PCDHGB3: variants seen among roughly 807,000 people sequenced by gnomAD.
The protein encoded by PCDHGB3 is protocadherin gamma-B3.
In PCDHGB3, 40 loss-of-function variants were observed where a neutral mutation model predicts 59.2. The observed-to-expected ratio is 0.68, with a 90% CI of 0.52 to 0.88. The LOEUF is 0.88. Ranked by LOEUF, PCDHGB3 falls within the 40% of genes least tolerant of loss-of-function variation. The pLI is 0.00. For synonymous variants in PCDHGB3, 581 were observed against 503.6 expected (o/e 1.15, Z -2.06); for missense variants, 1,309 against 1,187.9 (o/e 1.10, Z -1.50).
chr5:141,420,188 A>G (rs775537913), intron 1 of PCDHGB3: 1 of 1,613,848 alleles, frequency 6.2e-7, no homozygotes, highest in South Asian at 1.1e-5. Context: ...TTGTCCAGCC[A>G]CACAAGATAA....
At chr5:141,394,692 C>T (rs1356120664) in intron 1 of PCDHGB3, 1 of 1,613,028 alleles carries the variant, frequency 6.2e-7, no homozygotes, top group Non-Finnish European at 8.5e-7. Context: ...GGGCGAGGTG[C>T]GCACGGCGCG....
chr5:141,371,882 G>A lies in PCDHGB3; in HGVS notation c.1488G>A (p.Leu496=). 1.2e-6 allele frequency: 2 copies of A among 1,613,432 alleles called. No homozygotes were observed. Among genetic ancestry groups the A allele is most frequent in the South Asian group, 1.1e-5 (1 of 91,086 alleles). Residue 496 remains leucine, a synonymous_variant, in exon 1 of 4, where the codon CTG becomes CTA. Transcript: ENST00000576222. ...CCTACTACATCGTGGCCAGTGACCT[G>A]GAGCCGCGGGAGCTGTCGTCCTACG... ...LVSYYIVASD[L]EPRELSSYVS... is the part of the protein sequence containing the mutation.
At position 141,461,820 on chromosome 5, in the gene PCDHGB3, AT is replaced by A. The variant is rs1458631685; in HGVS notation, c.2416-32978del. Among the ~76,000 whole-genome samples the A allele has an allele frequency of 8.1e-5, 12 of 147,918 alleles. 1 individual carries two copies. In the South Asian group the frequency reaches 1.3e-3, roughly 16 times the overall value. On this transcript the variant is annotated intron_variant, in intron 1 of 3. Transcript: ENST00000576222. ...AGGTGCCCACCACCACACCCAGCTAATTTTTTTTTCTTTTTTTTTTGAGACA... is the reference window on the plus strand; with the variant it reads ...AGGTGCCCACCACCACACCCAGCTAATTTTTTTTCTTTTTTTTTTGAGACA...
rs2099746867 is a variant in PCDHGB3, at chr5:141,493,199, C to T, written c.2416-1608C>T. Among the ~76,000 whole-genome samples the T allele has an allele frequency of 6.6e-6, 1 of 152,168 alleles. No individual in the cohort carries two copies. Among genetic ancestry groups the T allele is most frequent in the Non-Finnish European group, 1.5e-5 (1 of 68,020 alleles). ...CTTACTATATAACTCCTTTGAGAAC[C>T]TCATCTCATTTGCTCTTCCCACCAT... On this transcript the variant is annotated intron_variant, in intron 1 of 3. Coordinates refer to ENST00000576222, the MANE Select transcript of PCDHGB3 (RefSeq NM_018924.5). This position sits in a 1 kb window ranked among gnomAD's most constrained non-coding sequence, Gnocchi z 4.3.
chr5:141,403,547 G>T (rs940508173), intron 1 of PCDHGB3: 8 of 1,613,888 alleles, frequency 5.0e-6, no homozygotes, highest in African/African-American at 1.3e-5. Flanking sequence ...GCTGGAGCGC[G>T]CCCTGGACAG....
chr5:141,498,078 G>A (rs1165770641), intron 2 of PCDHGB3, among the ~76,000 whole-genome samples: 6 of 152,194 alleles, frequency 3.9e-5, no homozygotes, highest in African/African-American at 1.4e-4. Flanking sequence ...ATAAGTGCTA[G>A]GTAGAATTGT....
chr5:141,503,924 G>C (rs1282755998), intron 2 of PCDHGB3, among the ~76,000 whole-genome samples: 1 of 152,146 alleles, frequency 6.6e-6, no homozygotes, highest in Non-Finnish European at 1.5e-5. Flanking sequence ...CACACACACA[G>C]ACATTTTCAT....
At position 141,485,120 on chromosome 5, in the gene PCDHGB3, G is replaced by T; in HGVS notation, c.2416-9687G>T. The T allele has an allele frequency of 7.4e-7, 1 of 1,348,050 alleles. No individual in the cohort carries two copies. Among genetic ancestry groups the T allele is most frequent in the Non-Finnish European group, 1.0e-6 (1 of 952,710 alleles). 83.5% of individuals were successfully genotyped at this position (1,348,050 alleles called of 1,614,324 possible). On this transcript the variant is annotated intron_variant, in intron 1 of 3. Transcript: ENST00000576222. The surrounding 1 kb of genome is among the most constrained non-coding windows in gnomAD (Gnocchi z 5.7). ...TCCAGCTGCTGTGGCTGTTTGGGGC[G>T]GGTCGGCTTCATCCGCGTCTCAGGA...
chr5:141,506,304 C>A (rs569926873), intron 3 of PCDHGB3, among the ~76,000 whole-genome samples: 3 of 152,078 alleles, frequency 2.0e-5, no homozygotes, highest in Non-Finnish European at 4.4e-5. Context: ...CAAAAATTAG[C>A]TGGGCATGGT....
intron 1 of PCDHGB3, chr5:141,387,798 G>T: frequency 6.6e-7 from 1 of 1,505,108 alleles, no homozygotes; most frequent in Non-Finnish European, 8.9e-7. Context: ...ACTAAAGTCC[G>T]TTCGGAGATC....
chr5:141,409,256 C>G (rs1212394349), intron 1 of PCDHGB3: 2 of 1,613,918 alleles, frequency 1.2e-6, no homozygotes, highest in African/African-American at 2.7e-5. Context: ...CATCACTTCT[C>G]TCTCTGATCA....
At chr5:141,385,172 C>T (rs1013319688) in intron 1 of PCDHGB3, 1 of 1,614,092 alleles carries the variant, frequency 6.2e-7, no homozygotes, top group African/African-American at 1.3e-5. Flanking sequence ...CATGAGGTCT[C>T]CCTCACCGCG....
At chr5:141,390,505 A>T in intron 1 of PCDHGB3, 1 of 600,954 alleles carries the variant, frequency 1.7e-6, no homozygotes, top group South Asian at 2.1e-5. Context: ...CCAAGCTTAG[A>T]TTTATAAAGC....
chr5:141,468,763 G>A (rs1341363934), intron 1 of PCDHGB3, among the ~76,000 whole-genome samples: 1 of 152,078 alleles, frequency 6.6e-6, no homozygotes, highest in Non-Finnish European at 1.5e-5. Flanking sequence ...CTACTCGGGA[G>A]GCTGAGGCAG....
chr5:141,399,617 TGGCCTCTTACGTGTCCATGAGC>T, intron 1 of PCDHGB3: 4 of 1,613,944 alleles, frequency 2.5e-6, no homozygotes. Flanking sequence ...CCTCTGGCAC[TGGCCTCTTACGTGTCCATGAGC>T]GCGCAAAGTG....
chr5:141,379,251 C>T (rs569528172), intron 1 of PCDHGB3: 1 of 152,224 alleles, frequency 6.6e-6, no homozygotes, highest in African/African-American at 2.4e-5. Flanking sequence ...GTGGTATTTA[C>T]ATTTAAGGAA....
rs1201023988 is a variant in PCDHGB3, at chr5:141,372,380, A to C, written c.1986A>C (p.Leu662=). Residue 662 remains leucine (L), a synonymous_variant, in exon 1 of 4, where the codon CTA becomes CTC. Coordinates refer to ENST00000576222, the MANE Select transcript of PCDHGB3 (RefSeq NM_018924.5). The stretch of plus-strand genomic sequence containing the variant: ...TTTCAGCCACCGTCATGCTGCACCT[A>C]ATCTTCGCAGATAGCTTGCAAGAGA... ...QPLSATVMLH[L]IFADSLQEIQ... The C allele has an allele frequency of 8.7e-6, 14 of 1,613,964 alleles. No individual in the cohort carries two copies. The highest frequency in any genetic ancestry group is 1.2e-5 in the Non-Finnish European group (14 of 1,179,886).
intron 1 of PCDHGB3, chr5:141,440,968 T>A (rs1487107428): frequency 6.6e-6 from 1 of 152,198 alleles, no homozygotes; most frequent in African/African-American, 2.4e-5. Flanking sequence ...AGATCACATA[T>A]GGCTTCACAA....
rs772683388 is a variant in PCDHGB3, at chr5:141,371,226, A to G, written c.832A>G (p.Ile278Val). The G allele has an allele frequency of 4.3e-6, 7 of 1,614,072 alleles. No homozygotes were observed. Among genetic ancestry groups the G allele is most frequent in the Non-Finnish European group, 5.9e-6 (7 of 1,179,904 alleles). The change falls in exon 1 of 4, where the codon ATC becomes GTC. Residue 278 changes from isoleucine to valine, a missense_variant. Coordinates refer to ENST00000576222, the MANE Select transcript of PCDHGB3 (RefSeq NM_018924.5). Reference protein sequence around the residue: ...DMDEGINAEIIYAFINIGKEV... With the variant: ...DMDEGINAEIVYAFINIGKEV... ...GGATGAGGGCATCAATGCCGAAATCATCTATGCCTTCATCAATATTGGCAA... is the reference window on the plus strand; with the variant it reads ...GGATGAGGGCATCAATGCCGAAATCGTCTATGCCTTCATCAATATTGGCAA...
Sources: allele counts gnomAD v4.1 joint callset (sites outside exome capture counted in the v4.1 genomes callset), GRCh38; gene constraint gnomAD v4.1.1; non-coding constraint Gnocchi (gnomAD v3.1); transcripts MANE v1.5; gene names NCBI Gene and HGNC (gene_info 2026-07-23, HGNC 2026-07-21).